The following ATXN7L1 variants were observed in gnomAD, a reference collection of about 807,000 sequenced individuals.
ATXN7L1 encodes ataxin-7-like protein 1.
Under a neutral mutation model 70.8 loss-of-function variants are expected in ATXN7L1, and 15 were observed. That is an observed-to-expected ratio of 0.21 (90% CI 0.14 to 0.33). ATXN7L1 has a LOEUF of 0.33. ATXN7L1 is among the 10% of genes least tolerant of loss of function. ATXN7L1 has a pLI of 1.00. For missense variants in ATXN7L1, 975 were observed against 1,097.1 expected, an observed-to-expected ratio of 0.89 and a Z score of 1.57; for synonymous variants, 440 against 445.1, an observed-to-expected ratio of 0.99 and a Z score of 0.14.
chr7:105,763,285 C>T (rs1800779855), intron 3 of ATXN7L1, among the ~76,000 whole-genome samples: 1 of 152,238 alleles, frequency 6.6e-6, no homozygotes, highest in East Asian at 1.9e-4. Context: ...CTGTTGCCCC[C>T]TCCACTGACC....
intron 3 of ATXN7L1, among the ~76,000 whole-genome samples, chr7:105,723,182 G>A (rs1251701531): frequency 6.6e-6 from 1 of 152,172 alleles, no homozygotes; most frequent in Non-Finnish European, 1.5e-5. Flanking sequence ...AGAGGGCTCG[G>A]GGTTAGACAC....
intron 7 of ATXN7L1, among the ~76,000 whole-genome samples, chr7:105,634,552 C>T (rs373150536): frequency 1.3e-5 from 2 of 152,036 alleles, no homozygotes; most frequent in African/African-American, 2.4e-5. Context: ...AATGGGGTCT[C>T]GCTATGTTGC....
intron 3 of ATXN7L1, among the ~76,000 whole-genome samples, chr7:105,725,861 G>A (rs1391288608): frequency 2.0e-5 from 3 of 151,392 alleles, no homozygotes; most frequent in Non-Finnish European, 2.9e-5. Context: ...GATTACAGGC[G>A]TGAGCCACCA....
In ATXN7L1 at chr7:105,614,151, T is replaced by A; in HGVS notation, c.2183A>T (p.Asp728Val). The A allele has an allele frequency of 6.4e-7, 1 of 1,551,622 alleles. No individual in the cohort carries two copies. Among genetic ancestry groups the A allele is most frequent in the Non-Finnish European group, 8.7e-7 (1 of 1,146,966 alleles). The change falls in exon 10 of 12, where the codon GAC becomes GTC. Residue 728 changes from aspartate (D) to valine (V), a missense_variant. Physicochemically the swap from Asp to Val is radical, Grantham distance 152 (BLOSUM62 -3). Coordinates refer to ENST00000419735, the MANE Select transcript of ATXN7L1 (RefSeq NM_020725.2). This position sits in a 1 kb window ranked among gnomAD's most constrained non-coding sequence, Gnocchi z 4.3. ...GRTSLPGGPA[D>V]IVRQVGAVGG... ...CACCGCGCCCACCTGTCTCACTATG[T>A]CCGCGGGGCCGCCGGGCAGCGAGGT...
intron 2 of ATXN7L1, among the ~76,000 whole-genome samples, chr7:105,802,316 C>T (rs1175863309): frequency 6.6e-6 from 1 of 152,126 alleles, no homozygotes; most frequent in East Asian, 1.9e-4. Context: ...CAATCAATCT[C>T]TCATCTCTGG....
chr7:105,847,884 C>T (rs10487836), intron 2 of ATXN7L1, among the ~76,000 whole-genome samples: 21,929 of 152,236 alleles, frequency 0.14, 1,724 homozygotes, highest in Middle Eastern at 0.22. Context: ...GTAACACCTG[C>T]CATGTGGTTT....
chr7:105,823,490 T>A (rs1471811296), intron 2 of ATXN7L1, among the ~76,000 whole-genome samples: 1 of 152,232 alleles, frequency 6.6e-6, no homozygotes, highest in Non-Finnish European at 1.5e-5. Context: ...AAGAGCATGG[T>A]ACTTCCAATA....
chr7:105,754,008 T>C (rs541418589), intron 3 of ATXN7L1, among the ~76,000 whole-genome samples: 39 of 152,310 alleles, frequency 2.6e-4, no homozygotes, highest in Middle Eastern at 3.4e-3. Context: ...CGGTCTCAGT[T>C]TCCTCTCTGT....
intron 2 of ATXN7L1, among the ~76,000 whole-genome samples, chr7:105,804,133 G>A (rs1807223084): frequency 6.6e-6 from 1 of 152,176 alleles, no homozygotes; most frequent in African/African-American, 2.4e-5. Flanking sequence ...CTTCCTTTCT[G>A]GCCTTTGAGC....
chr7:105,802,907 T>C (rs915969866), intron 2 of ATXN7L1, among the ~76,000 whole-genome samples: 5 of 152,204 alleles, frequency 3.3e-5, no homozygotes, highest in Non-Finnish European at 7.3e-5. Flanking sequence ...TCTATGGGGT[T>C]TGTGTCTGTG....
At chr7:105,624,035 C>T (rs373892462) in intron 8 of ATXN7L1, 40 bp downstream of exon 8, 375 of 1,351,176 alleles carry the variant, frequency 2.8e-4, no homozygotes, top group Non-Finnish European at 3.4e-4. Context: ...CTGCAAAGCA[C>T]AGGCGAAGAA....
intron 2 of ATXN7L1, among the ~76,000 whole-genome samples, chr7:105,836,211 T>A (rs1046134720): frequency 1.1e-4 from 17 of 152,130 alleles, no homozygotes; most frequent in African/African-American, 3.4e-4. Flanking sequence ...AACCCCAAAC[T>A]CTTGCAGTGA....
chr7:105,786,523 ATTG>A (rs1240411412), intron 3 of ATXN7L1, among the ~76,000 whole-genome samples: 2 of 151,992 alleles, frequency 1.3e-5, no homozygotes, highest in Non-Finnish European at 2.9e-5. Flanking sequence ...GTTTTGTTTT[ATTG>A]TTTGTTTCTC....
intron 3 of ATXN7L1, among the ~76,000 whole-genome samples, chr7:105,702,315 C>T (rs1279832023): frequency 6.6e-6 from 1 of 152,144 alleles, no homozygotes; most frequent in Non-Finnish European, 1.5e-5. Context: ...CAGACGGGAT[C>T]CAAACCTAGT....
At chr7:105,787,128 T>C (rs948236008) in intron 3 of ATXN7L1, among the ~76,000 whole-genome samples, 1 of 152,134 alleles carries the variant, frequency 6.6e-6, no homozygotes, top group Non-Finnish European at 1.5e-5. Flanking sequence ...GAGAGGGTCA[T>C]TTGGTACAGA....
At chr7:105,727,759 TATATATATATATATATATAC>T (rs1796030596) in intron 3 of ATXN7L1, among the ~76,000 whole-genome samples, 1 of 88,988 alleles carries the variant, frequency 1.1e-5, no homozygotes, top group Non-Finnish European at 2.2e-5. Context: ...TATATATATA[TATATATATATATATATATAC>T]ACACACATAC....
intron 2 of ATXN7L1, among the ~76,000 whole-genome samples, chr7:105,871,613 G>A (rs1818280092): frequency 1.3e-5 from 2 of 151,656 alleles, no homozygotes; most frequent in South Asian, 4.1e-4. Flanking sequence ...GGGAGGCTGA[G>A]AAAGGAGAAT....
intron 3 of ATXN7L1, among the ~76,000 whole-genome samples, chr7:105,705,866 C>G (rs538803165): frequency 4.5e-4 from 68 of 152,304 alleles, no homozygotes; most frequent in African/African-American, 1.5e-3. Context: ...CTCTCTGGAC[C>G]CACTGAGCAC....
At chr7:105,844,369 A>C (rs1813661378) in intron 2 of ATXN7L1, among the ~76,000 whole-genome samples, 1 of 152,236 alleles carries the variant, frequency 6.6e-6, no homozygotes, top group Middle Eastern at 3.2e-3. Context: ...ATATATAAAA[A>C]GGATTATGTA....
Sources: allele counts gnomAD v4.1 joint callset (sites outside exome capture counted in the v4.1 genomes callset), GRCh38; gene constraint gnomAD v4.1.1; non-coding constraint Gnocchi (gnomAD v3.1); transcripts MANE v1.5; gene names NCBI Gene and HGNC (gene_info 2026-07-23, HGNC 2026-07-21).